ANK2: variants seen among roughly 807,000 people sequenced by gnomAD.
ANK2 encodes ankyrin-2.
Under a neutral mutation model 360.5 loss-of-function variants are expected in ANK2, and 83 were observed. The ratio of observed to expected loss-of-function variants is 0.23; its 90% CI spans 0.19 to 0.28. The LOEUF is 0.28. Ranked by LOEUF, ANK2 falls within the 10% of genes least tolerant of loss-of-function variation. The probability of loss-of-function intolerance (pLI) is 1.00; values close to 1 mark genes in which losing one functional copy is unlikely to be tolerated. For synonymous variants in ANK2, 1,740 were observed against 1,759.5 expected (o/e 0.99, Z 0.28); for missense variants, 4,201 against 4,795.7 (o/e 0.88, Z 3.66).
At chr4:112,759,966 A>G in the ANK2 span, among the ~76,000 whole-genome samples, 1 of 152,150 alleles carries the variant, frequency 6.6e-6, no homozygotes, top group Non-Finnish European at 1.5e-5. Flanking sequence ...GAAACCACTT[A>G]ATATGAGCTT....
chr4:112,988,291 G>A (rs1353223333), intron 2 of ANK2, among the ~76,000 whole-genome samples: 2 of 152,180 alleles, frequency 1.3e-5, no homozygotes, highest in African/African-American at 4.8e-5. Flanking sequence ...AAGTATACTC[G>A]ATGGACTTTG....
chr4:113,223,716 A>G (rs557364441), intron 4 of ANK2, among the ~76,000 whole-genome samples: 8 of 152,314 alleles, frequency 5.3e-5, no homozygotes, highest in Non-Finnish European at 7.4e-5. Context: ...ATTAGACTTT[A>G]TGTCAGTTGG....
chr4:113,315,681 G>A (rs766717613), intron 24 of ANK2, among the ~76,000 whole-genome samples: 27 of 151,992 alleles, frequency 1.8e-4, no homozygotes, highest in Non-Finnish European at 3.1e-4. Flanking sequence ...GGCGGATCAC[G>A]AGGTCAGGAG....
Position 113,319,505 on chromosome 4 carries a change from A to G in ANK2, c.2900+885A>G, listed in dbSNP as rs183730786. Among the ~76,000 whole-genome samples the G allele has an allele frequency of 7.4e-3, 1,120 of 151,800 alleles. 12 individuals carry two copies. The highest frequency in any genetic ancestry group is 0.025 in the African/African-American group (1,055 of 41,526). On this transcript the variant is annotated intron_variant, in intron 26 of 45. Coordinates refer to ENST00000357077, the MANE Select transcript of ANK2 (RefSeq NM_001148.6). ...ATTATCCCCAAATCCTTATCCATAA[A>G]TCCCAGAACTATTTGGAAAAGTAGA...
chr4:113,257,538 T>C (rs2050177132), intron 11 of ANK2, among the ~76,000 whole-genome samples: 1 of 152,232 alleles, frequency 6.6e-6, no homozygotes. Flanking sequence ...TGATTTCTGC[T>C]GACTAGAAAT....
chr4:113,078,592 C>A (rs2081081923), intron 1 of ANK2, among the ~76,000 whole-genome samples: 1 of 152,040 alleles, frequency 6.6e-6, no homozygotes, highest in Admixed American at 6.6e-5. Flanking sequence ...TCTCATCAGT[C>A]CTGTGAGGTA....
intron 45 of ANK2, chr4:113,378,185 T>C (rs1450752859): frequency 5.7e-6 from 7 of 1,232,662 alleles, no homozygotes; most frequent in Non-Finnish European, 7.4e-6. Flanking sequence ...TTAAAAGGTT[T>C]GGGTTAGCAT....
intron 1 of ANK2, among the ~76,000 whole-genome samples, chr4:112,863,850 T>G (rs963851900): frequency 2.0e-5 from 3 of 152,170 alleles, no homozygotes; most frequent in Non-Finnish European, 4.4e-5. Context: ...ATTTTTTTGA[T>G]GTAGTGATGA....
the ANK2 span, among the ~76,000 whole-genome samples, chr4:112,722,883 G>A: frequency 6.6e-6 from 1 of 152,040 alleles, no homozygotes; most frequent in African/African-American, 2.4e-5. Context: ...AGGATCGCTT[G>A]AGCCCAGGAG....
In ANK2 at chr4:112,915,022, A is replaced by T. The variant is rs1180496117; in HGVS notation, c.21+10508A>T. On this transcript the variant is annotated intron_variant, in intron 2 of 30. Transcript: ENST00000503271. ...TCCCCATGACTACTGCTTTCTCCTGAATAATTACTGGAAAATACATCTAAA... is the reference window on the plus strand; with the variant it reads ...TCCCCATGACTACTGCTTTCTCCTGTATAATTACTGGAAAATACATCTAAA... Among the ~76,000 whole-genome samples the T allele has an allele frequency of 2.6e-5, 4 of 152,198 alleles. No homozygotes were observed. In the East Asian group the frequency reaches 7.7e-4, roughly 29 times the overall value.
At chr4:112,759,931 C>A in the ANK2 span, among the ~76,000 whole-genome samples, 2 of 152,252 alleles carry the variant, frequency 1.3e-5, no homozygotes, top group East Asian at 3.9e-4. Context: ...AAAATCACAG[C>A]ATAGTAGGGC....
chr4:112,890,849 G>A (rs1023401974), intron 1 of ANK2, among the ~76,000 whole-genome samples: 1 of 152,136 alleles, frequency 6.6e-6, no homozygotes, highest in Admixed American at 6.5e-5. Context: ...TTACAGGCGT[G>A]AGCCACTACG....
At chr4:113,367,543 T>C in intron 41 of ANK2, 23 bp from the exon 42 acceptor site, 2 of 1,612,344 alleles carry the variant, frequency 1.2e-6, no homozygotes, top group Non-Finnish European at 1.7e-6. Flanking sequence ...TTCAACTAAA[T>C]ACTTAAATCA....
the ANK2 span, chr4:112,738,882 C>CA: frequency 3.0e-6 from 2 of 670,916 alleles, no homozygotes; most frequent in African/African-American, 1.8e-5. Flanking sequence ...AACAAACAAA[C>CA]AAACAAAAAA....
the ANK2 span, among the ~76,000 whole-genome samples, chr4:112,733,183 TC>T: frequency 1.7e-4 from 26 of 151,994 alleles, no homozygotes; most frequent in Non-Finnish European, 3.4e-4. Flanking sequence ...GCCACTGCAC[TC>T]CAGCATGGGC....
At chr4:113,096,212 C>T (rs143689978) in intron 1 of ANK2, among the ~76,000 whole-genome samples, 60 of 152,264 alleles carry the variant, frequency 3.9e-4, no homozygotes, top group Admixed American at 1.3e-3. Context: ...CTCCATCTTC[C>T]GTTTGAATGA....
rs184698839 is a variant in ANK2, at chr4:112,926,576, T to A, written c.21+22062T>A. Among the ~76,000 whole-genome samples, 297 of 152,342 alleles carry A rather than the reference T, an allele frequency of 1.9e-3. 1 individual carries two copies. Among genetic ancestry groups the A allele is most frequent in the Admixed American group, 5.2e-3 (79 of 15,294 alleles). ...GTCTAACAGACCTCCAGGAATTATCTGATTCTATAAGGGTGTGCATATTTG... is the reference window on the plus strand; with the variant it reads ...GTCTAACAGACCTCCAGGAATTATCAGATTCTATAAGGGTGTGCATATTTG... On this transcript the variant is annotated intron_variant, in intron 2 of 30. Coordinates refer to the ANK2 transcript ENST00000503271.
the ANK2 span, among the ~76,000 whole-genome samples, chr4:112,717,076 A>G: frequency 6.2e-4 from 95 of 152,166 alleles, 1 homozygote; most frequent in Non-Finnish European, 1.2e-3. Context: ...TCAATGCTTT[A>G]TTTCACTAGA....
the ANK2 span, among the ~76,000 whole-genome samples, chr4:112,732,272 CAG>C: frequency 2.4e-5 from 3 of 125,608 alleles, no homozygotes. Context: ...TTTCAAGAAA[CAG>C]GGTCTGGCCC....
Sources: allele counts gnomAD v4.1 joint callset (sites outside exome capture counted in the v4.1 genomes callset), GRCh38; gene constraint gnomAD v4.1.1; transcripts MANE v1.5; gene names NCBI Gene and HGNC (gene_info 2026-07-23, HGNC 2026-07-21).